The following USP45 variants were observed in gnomAD, a reference collection of about 807,000 sequenced individuals.
The protein encoded by USP45 is ubiquitin specific peptidase 45, also known as ubiquitin carboxyl-terminal hydrolase 45.
Under a neutral mutation model 95.8 loss-of-function variants are expected in USP45, and 89 were observed. The observed-to-expected ratio is 0.93, with a 90% CI of 0.78 to 1.11. The LOEUF (loss-of-function observed/expected upper bound fraction) is 1.11, where lower values mean the gene tolerates loss of function less well. Among genes scored for constraint, USP45 ranks in the 50% least tolerant of loss-of-function variants. The pLI is 0.00. For synonymous variants in USP45, 281 were observed against 316.2 expected (o/e 0.89, Z 1.18); for missense variants, 898 against 942.5 (o/e 0.95, Z 0.62).
At chr6:99,472,220 A>C (rs1789582690) in intron 9 of USP45, among the ~76,000 whole-genome samples, 1 of 17,902 alleles carries the variant, frequency 5.6e-5, no homozygotes, top group Admixed American at 1.1e-3. Context: ...TTCACTTACT[A>C]ATTTTTTTTT....
chr6:99,454,074 G>A (rs1784486834), intron 13 of USP45, among the ~76,000 whole-genome samples: 1 of 152,132 alleles, frequency 6.6e-6, no homozygotes, highest in Admixed American at 6.6e-5. Flanking sequence ...ACTTCAAAAT[G>A]TACAAGACTA....
In USP45 at chr6:99,511,864, T is replaced by TACACATATATATATAC. The variant is rs1335243340; in HGVS notation, c.-10-1635_-10-1634insGTATATATATATGTGT. 4.7e-4 allele frequency among the ~76,000 whole-genome samples: 60 copies of TACACATATATATATAC among 128,804 alleles called. 1 individual carries two copies. Among genetic ancestry groups the TACACATATATATATAC allele is most frequent in the Middle Eastern group, 4.2e-3 (1 of 240 alleles). 84.5% of individuals were successfully genotyped at this position (128,804 alleles called of 152,430 possible). A position where few individuals can be genotyped will look rare whatever the true frequency, so the allele number is the denominator to read the frequency against. On this transcript the variant is annotated intron_variant, in intron 1 of 17. Transcript: ENST00000500704. Reference sequence around the variant, plus strand: ...GTGTGTGTATATATATATATATATATATATATATATATATATATATATACA... The same window carrying TACACATATATATATAC: ...GTGTGTGTATATATATATATATATATACACATATATATATACATATATATATATATATATATATACA...
chr6:99,436,493 T>C (rs1162700301), intron 17 of USP45, among the ~76,000 whole-genome samples: 1 of 151,028 alleles, frequency 6.6e-6, no homozygotes, highest in African/African-American at 2.4e-5. Flanking sequence ...AAGGCAGAGG[T>C]TGCAGTGAGC....
rs1780015324 is a variant in USP45 at position 99,433,480 on chromosome 6, T to C, written c.*2236A>G. On this transcript the variant is annotated 3_prime_UTR_variant, in exon 18 of 18. Coordinates refer to ENST00000500704, the MANE Select transcript of USP45 (RefSeq NM_001346022.3). ...GCTTTGGAAATAATAACAAAAATTT[T>C]AAGGTAGACCCATGTGTAATTTAAC... 1 of 152,606 alleles carries C rather than the reference T, an allele frequency of 6.6e-6. No homozygotes were observed. The highest frequency in any genetic ancestry group is 2.4e-5 in the African/African-American group (1 of 41,454). The allele number at this position is 152,606 out of a possible 1,614,324, so 9.5% of individuals were successfully genotyped here. A position where few individuals can be genotyped will look rare whatever the true frequency, so the allele number is the denominator to read the frequency against.
chr6:99,494,975 A>C (rs1171710389), intron 5 of USP45, among the ~76,000 whole-genome samples: 1 of 152,196 alleles, frequency 6.6e-6, no homozygotes, highest in Admixed American at 6.6e-5. Flanking sequence ...TTTTAGGTGA[A>C]TATCTTTAGA....
intron 3 of USP45, among the ~76,000 whole-genome samples, 188 bp from the exon 4 acceptor site, chr6:99,507,719 A>T (rs1297010853): frequency 6.6e-6 from 1 of 152,246 alleles, no homozygotes; most frequent in Non-Finnish European, 1.5e-5. Context: ...TAACATGCTC[A>T]ATATACAGTA....
intron 9 of USP45, among the ~76,000 whole-genome samples, chr6:99,471,910 T>C (rs1163804147): frequency 1.3e-5 from 2 of 152,184 alleles, no homozygotes; most frequent in East Asian, 3.9e-4. Flanking sequence ...TGTCCTCGCT[T>C]ATGAAATTGA....
At chr6:99,516,922 T>A (rs773255995), upstream of USP45, among the ~76,000 whole-genome samples, 25 of 152,164 alleles carry the variant, frequency 1.6e-4, no homozygotes, top group Non-Finnish European at 4.4e-5. Context: ...TTATGGAAAT[T>A]TAGGTTCTTT....
At chr6:99,462,826 TA>T (rs1458244821) in intron 13 of USP45, 1 of 336,706 alleles carries the variant, frequency 3.0e-6, no homozygotes, top group Non-Finnish European at 4.3e-6. Context: ...CTACAAAAAA[TA>T]ACAAAAATTA....
In USP45 at chr6:99,508,476, C is replaced by A. The variant is rs546455202; in HGVS notation, c.273+134G>T. ...TTACCTTAACAATCATTTTTAAGTT[C>A]ATTCCTGGAAAATTTCTATCTAAAT... On this transcript the variant is annotated intron_variant, in intron 3 of 17. Coordinates refer to ENST00000500704, the MANE Select transcript of USP45 (RefSeq NM_001346022.3). 9.9e-6 allele frequency: 9 copies of A among 911,406 alleles called. No individual in the cohort carries two copies. In the East Asian group the frequency reaches 2.2e-4, roughly 22 times the overall value. 56.5% of individuals were successfully genotyped at this position (911,406 alleles called of 1,614,324 possible).
intron 14 of USP45, 136 bp downstream of exon 14, chr6:99,445,661 C>G (rs1782395440): frequency 2.9e-6 from 2 of 683,324 alleles, no homozygotes; most frequent in Non-Finnish European, 4.6e-6. Flanking sequence ...CGCTCAGGTA[C>G]AAATATGAAT....
At chr6:99,437,486 A>C (rs868102320) in intron 16 of USP45, 87 bp from the exon 17 acceptor site, 94 of 1,282,270 alleles carry the variant, frequency 7.3e-5, no homozygotes, top group Non-Finnish European at 9.8e-5. Flanking sequence ...TCTGCTTAAC[A>C]TAAGAAAAAT....
At chr6:99,466,206 G>T (rs1235494106) in intron 11 of USP45, among the ~76,000 whole-genome samples, 1 of 152,064 alleles carries the variant, frequency 6.6e-6, no homozygotes, top group Admixed American at 6.6e-5. Context: ...TTTTAGTAGA[G>T]ATGGGGTTTC....
At chr6:99,487,522 G>T (rs999769565) in intron 7 of USP45, among the ~76,000 whole-genome samples, 6 of 151,768 alleles carry the variant, frequency 4.0e-5, no homozygotes, top group Admixed American at 6.6e-5. Context: ...GGGCGTGGTG[G>T]CTCACGCCTG....
At position 99,510,157 on chromosome 6, in the gene USP45, C is replaced by CA; in HGVS notation, c.63dup (p.Val22CysfsTer4). ...TCTGAAGAGTCTTCATCATGAGGTA[C>CA]AGTAGGCCTTTTACTTCTTTTGGCT... On this transcript the variant is annotated frameshift_variant, in exon 2 of 18. Coordinates refer to ENST00000500704, the MANE Select transcript of USP45 (RefSeq NM_001346022.3). LOFTEE classifies it high-confidence loss of function. The CA allele has an allele frequency of 6.2e-7, 1 of 1,613,878 alleles. No individual in the cohort carries two copies. The highest frequency in any genetic ancestry group is 2.2e-5 in the East Asian group (1 of 44,876).
intron 15 of USP45, among the ~76,000 whole-genome samples, chr6:99,442,887 C>CAA (rs1237120885): frequency 4.6e-5 from 7 of 151,522 alleles, no homozygotes; most frequent in Non-Finnish European, 8.8e-5. Flanking sequence ...TCCTTGTTTT[C>CAA]TTGATAATTT....
At chr6:99,439,904 A>C in intron 15 of USP45, 49 bp from the exon 16 acceptor site, 1 of 1,463,630 alleles carries the variant, frequency 6.8e-7, no homozygotes, top group Non-Finnish European at 9.4e-7. Flanking sequence ...GAAATAAAGC[A>C]TTGTCTTTGT....
intron 7 of USP45, among the ~76,000 whole-genome samples, chr6:99,486,747 T>C (rs1211883592): frequency 6.6e-6 from 1 of 152,088 alleles, no homozygotes; most frequent in Non-Finnish European, 1.5e-5. Context: ...ACTAAGCATG[T>C]TTAGAGGGCT....
intron 13 of USP45, among the ~76,000 whole-genome samples, chr6:99,450,765 C>T (rs1306707341): frequency 1.3e-5 from 2 of 152,166 alleles, no homozygotes; most frequent in African/African-American, 2.4e-5. Flanking sequence ...CCCTGATGAA[C>T]ATCGATGCAA....
Sources: gnomAD v4.1 joint callset for allele counts (sites outside exome capture counted in the v4.1 genomes callset) on GRCh38, gnomAD v4.1.1 for gene constraint, MANE v1.5 for transcripts, NCBI Gene and HGNC (gene_info 2026-07-23, HGNC 2026-07-21) for gene names.